The following MALRD1 variants were observed in gnomAD, a reference collection of about 807,000 sequenced individuals.
MALRD1 encodes the protein MAM and LDL-receptor class A domain-containing protein 1.
Under a neutral mutation model 242.1 loss-of-function variants are expected in MALRD1, and 247 were observed. That is an observed-to-expected ratio of 1.02 (90% CI 0.92 to 1.13). The LOEUF is 1.13. Ranked by LOEUF, MALRD1 falls within the 50% of genes most tolerant of loss-of-function variation. The pLI is 0.00. For missense variants in MALRD1, 2,989 were observed against 2,533.1 expected (o/e 1.18, Z -3.86); for synonymous variants, 995 against 866.6 (o/e 1.15, Z -2.60).
intron 28 of MALRD1, among the ~76,000 whole-genome samples, chr10:19,446,422 A>G (rs182805922): frequency 9.8e-5 from 15 of 152,312 alleles, no homozygotes; most frequent in Admixed American, 3.9e-4. Context: ...TGGAAAAAAG[A>G]GAGGTATTAT....
At chr10:19,425,224 C>T (rs567222604) in intron 28 of MALRD1, among the ~76,000 whole-genome samples, 18 of 152,144 alleles carry the variant, frequency 1.2e-4, no homozygotes, top group African/African-American at 1.7e-4. Flanking sequence ...TTTAAAAATT[C>T]GTCTTTTCCT....
Position 19,285,436 on chromosome 10 carries a change from A to G in MALRD1, c.3419+2255A>G, listed in dbSNP as rs1321912639. 6.2e-4 allele frequency among the ~76,000 whole-genome samples: 93 copies of G among 150,272 alleles called. 1 individual carries two copies. The highest frequency in any genetic ancestry group is 5.1e-3 in the South Asian group (24 of 4,730). ...TCTTGAATTGATTTTTGTATAAGGT[A>G]TAAGGAAGGGATCCAGTTTCAGCTT... On this transcript the variant is annotated intron_variant, in intron 21 of 39. Transcript: ENST00000454679.
intron 21 of MALRD1, among the ~76,000 whole-genome samples, chr10:19,312,248 C>T (rs985719274): frequency 6.6e-6 from 1 of 151,156 alleles, no homozygotes; most frequent in Non-Finnish European, 1.5e-5. Context: ...ATCTGTTTTT[C>T]CATTGAATGT....
intron 28 of MALRD1, among the ~76,000 whole-genome samples, chr10:19,440,591 G>T (rs1248373648): frequency 6.6e-6 from 1 of 152,098 alleles, no homozygotes; most frequent in Non-Finnish European, 1.5e-5. Context: ...GGAACATGCG[G>T]TGTTTGGTTT....
intron 33 of MALRD1, among the ~76,000 whole-genome samples, chr10:19,587,864 A>G (rs1837518807): frequency 6.6e-6 from 1 of 151,392 alleles, no homozygotes; most frequent in Non-Finnish European, 1.5e-5. Context: ...GGTTACTAGG[A>G]ATGTCAAAGT....
intron 4 of MALRD1, among the ~76,000 whole-genome samples, chr10:19,096,027 G>A (rs1391557470): frequency 1.3e-5 from 2 of 152,106 alleles, no homozygotes; most frequent in Non-Finnish European, 2.9e-5. Flanking sequence ...CAGAGCTGAT[G>A]GTATGGGAGT....
intron 34 of MALRD1, among the ~76,000 whole-genome samples, chr10:19,599,111 A>T (rs530227017): frequency 1.2e-4 from 19 of 152,292 alleles, no homozygotes; most frequent in African/African-American, 4.6e-4. Context: ...TCAATTGTAG[A>T]TAACTCTTTC....
intron 38 of MALRD1, among the ~76,000 whole-genome samples, chr10:19,705,069 A>G (rs939707817): frequency 6.6e-6 from 1 of 152,184 alleles, no homozygotes; most frequent in Non-Finnish European, 1.5e-5. Context: ...GAGATTCTTG[A>G]ATGGTTGGCC....
intron 14 of MALRD1, among the ~76,000 whole-genome samples, chr10:19,190,891 G>A (rs1188627869): frequency 6.6e-6 from 1 of 152,058 alleles, no homozygotes; most frequent in Non-Finnish European, 1.5e-5. Flanking sequence ...ATGATGCTGT[G>A]TCTGTCAATG....
rs1835726289 is a variant in MALRD1 at position 19,087,848 on chromosome 10, C to G, written c.349C>G (p.Leu117Val). 5 of 1,232,228 alleles carry G rather than the reference C, an allele frequency of 4.1e-6. No homozygotes were observed. Among genetic ancestry groups the G allele is most frequent in the Non-Finnish European group, 5.1e-6 (5 of 986,828 alleles). The allele number at this position is 1,232,228 out of a possible 1,614,324, so 76.3% of individuals were successfully genotyped here. The change falls in exon 3 of 40, where the codon CTC (leucine) becomes GTC (valine). Residue 117 changes from leucine to valine, a missense_variant. Transcript: ENST00000454679. Reference protein sequence around the residue: ...DHNGDVSAHFLSLVSRVDSIS... With the variant: ...DHNGDVSAHFVSLVSRVDSIS... ...TCTCTTCTTTCTGATAGCTCACTTCCTCTCACTGGTTTCCAGAGTGGATTC... is the reference window on the plus strand; with the variant it reads ...TCTCTTCTTTCTGATAGCTCACTTCGTCTCACTGGTTTCCAGAGTGGATTC...
At position 19,238,433 on chromosome 10, in the gene MALRD1, A is replaced by AATATATATTATGTATATT. The variant is rs1564492405; in HGVS notation, c.2992-19244_2992-19243insTTATGTATATTATATATA. 7.0e-5 allele frequency among the ~76,000 whole-genome samples: 5 copies of AATATATATTATGTATATT among 70,976 alleles called. No individual in the cohort carries two copies. In the South Asian group the frequency reaches 1.5e-3, roughly 21 times the overall value. 46.6% of individuals were successfully genotyped at this position (70,976 alleles called of 152,430 possible). On this transcript the variant is annotated intron_variant, in intron 18 of 39. Transcript: ENST00000454679. The stretch of plus-strand genomic sequence containing the variant: ...ATAATATATAATATACATTATATAT[A>AATATATATTATGTATATT]ATATATAATATACATTATATATAAT...
At chr10:19,431,410 T>C (rs998937177) in intron 28 of MALRD1, among the ~76,000 whole-genome samples, 1 of 152,212 alleles carries the variant, frequency 6.6e-6, no homozygotes, top group Non-Finnish European at 1.5e-5. Context: ...AAAATAGCTT[T>C]TCTATTTTGG....
intron 4 of MALRD1, among the ~76,000 whole-genome samples, chr10:19,101,212 A>G (rs1386965995): frequency 4.0e-5 from 6 of 149,770 alleles, no homozygotes; most frequent in African/African-American, 1.2e-4. Context: ...TAAGTGTTAT[A>G]CCAAGGAACT....
At chr10:19,270,348 A>T (rs1054328799) in intron 19 of MALRD1, among the ~76,000 whole-genome samples, 13 of 149,672 alleles carry the variant, frequency 8.7e-5, no homozygotes, top group Non-Finnish European at 1.5e-4. Flanking sequence ...ACACACACAC[A>T]CACACACACA....
intron 21 of MALRD1, among the ~76,000 whole-genome samples, chr10:19,289,622 G>T (rs1292737932): frequency 6.6e-6 from 1 of 152,058 alleles, no homozygotes; most frequent in African/African-American, 2.4e-5. Context: ...GCCAAGGAAG[G>T]CTTGAGATTA....
chr10:19,396,941 A>T (rs1589019127), intron 28 of MALRD1, among the ~76,000 whole-genome samples: 1 of 152,306 alleles, frequency 6.6e-6, no homozygotes, highest in East Asian at 1.9e-4. Flanking sequence ...TGCTTAATAT[A>T]GCTGCATTTT....
At chr10:19,310,088 CA>C (rs763755822) in intron 21 of MALRD1, among the ~76,000 whole-genome samples, 26 of 151,410 alleles carry the variant, frequency 1.7e-4, no homozygotes, top group Non-Finnish European at 2.7e-4. Flanking sequence ...CAGTGTCTCA[CA>C]CAGGCCAAAT....
chr10:19,113,384 G>A (rs1291767146), intron 5 of MALRD1, among the ~76,000 whole-genome samples: 1 of 151,846 alleles, frequency 6.6e-6, no homozygotes, highest in South Asian at 2.1e-4. Context: ...CTAATTCCTG[G>A]GTATTATGCA....
At chr10:19,073,142 TGACCTCAA>T (rs1253232134) in intron 2 of MALRD1, among the ~76,000 whole-genome samples, 2 of 152,128 alleles carry the variant, frequency 1.3e-5, no homozygotes, top group Admixed American at 1.3e-4. Flanking sequence ...CTTGAACTCC[TGACCTCAA>T]GTGATCTGCC....
Sources: allele counts gnomAD v4.1 joint callset (sites outside exome capture counted in the v4.1 genomes callset), GRCh38; gene constraint gnomAD v4.1.1; transcripts MANE v1.5; gene names NCBI Gene and HGNC (gene_info 2026-07-23, HGNC 2026-07-21).